SEC22C: variants seen among roughly 807,000 people sequenced by gnomAD.
SEC22C encodes vesicle-trafficking protein SEC22c.
A neutral mutation model predicts 34.7 loss-of-function variants in SEC22C; 29 were observed. The observed-to-expected ratio is 0.84, with a 90% CI of 0.62 to 1.14. The LOEUF is 1.14. SEC22C is among the 50% of genes most tolerant of loss of function. The pLI, the probability that SEC22C is intolerant of heterozygous loss-of-function variation, is 0.00. For synonymous variants in SEC22C, 117 were observed against 132.8 expected, an observed-to-expected ratio of 0.88 and a Z score of 0.82; for missense variants, 337 against 369.0, an observed-to-expected ratio of 0.91 and a Z score of 0.71.
intron 1 of SEC22C, among the ~76,000 whole-genome samples, chr3:42,571,625 G>C (rs1703635330): frequency 1.3e-5 from 2 of 152,236 alleles, no homozygotes; most frequent in South Asian, 2.1e-4. Flanking sequence ...AATACAAAAA[G>C]GAAGGGGCTT....
At chr3:42,597,882 C>T (rs1408977985) in intron 1 of SEC22C, among the ~76,000 whole-genome samples, 1 of 152,166 alleles carries the variant, frequency 6.6e-6, no homozygotes, top group Non-Finnish European at 1.5e-5. Flanking sequence ...AAACAGTGTG[C>T]CACTTCACAT....
intron 2 of SEC22C, among the ~76,000 whole-genome samples, chr3:42,566,150 G>A (rs999343714): frequency 6.6e-6 from 1 of 152,166 alleles, no homozygotes; most frequent in African/African-American, 2.4e-5. Context: ...TCCAGAGAAA[G>A]GGGCTGCACA....
At chr3:42,600,123 G>A (rs919016477) in intron 1 of SEC22C, among the ~76,000 whole-genome samples, 2 of 152,130 alleles carry the variant, frequency 1.3e-5, no homozygotes, top group Non-Finnish European at 2.9e-5. Context: ...TTAAAAACGG[G>A]CAGAAGACTG....
chr3:42,553,496 C>G, intron 6 of SEC22C, 48 bp from the exon 7 acceptor site: 1 of 1,589,232 alleles, frequency 6.3e-7, no homozygotes, highest in Non-Finnish European at 8.6e-7. Flanking sequence ...AAAATGGCCA[C>G]TAGATCATAT....
Position 42,550,421 on chromosome 3 carries a change from C to T in SEC22C, c.*2827G>A, listed in dbSNP as rs796163619. The T allele has an allele frequency of 2.0e-6, 2 of 985,424 alleles. No homozygotes were observed. The highest frequency in any genetic ancestry group is 1.1e-4 in the East Asian group (1 of 8,816). The allele number at this position is 985,424 out of a possible 1,614,324, so 61.0% of individuals were successfully genotyped here. A position where few individuals can be genotyped will look rare whatever the true frequency, so the allele number is the denominator to read the frequency against. On this transcript the variant is annotated 3_prime_UTR_variant, in exon 7 of 7. Transcript: ENST00000264454. Reference sequence around the variant, plus strand: ...GGATCACACAAGAGGCTATAAACCTCCAACCCTGAACCAAGTCAAACCTAA... The same window carrying T: ...GGATCACACAAGAGGCTATAAACCTTCAACCCTGAACCAAGTCAAACCTAA...
intron 1 of SEC22C, among the ~76,000 whole-genome samples, chr3:42,578,033 T>A (rs1250956024): frequency 1.3e-5 from 2 of 152,094 alleles, no homozygotes; most frequent in Non-Finnish European, 2.9e-5. Flanking sequence ...ATGCAATTAT[T>A]GTACAATCTA....
Position 42,548,490 on chromosome 3 carries a change from T to C in SEC22C, c.*4758A>G. 3.7e-6 allele frequency: 4 copies of C among 1,081,326 alleles called. No homozygotes were observed. The highest frequency in any genetic ancestry group is 5.5e-6 in the Non-Finnish European group (4 of 725,008). 67.0% of individuals were successfully genotyped at this position (1,081,326 alleles called of 1,614,324 possible). Reference sequence around the variant, plus strand: ...GTTTCCGAATCCAGCCATTCCCAGATTTCACTGACATGCCCTTTTCCACAG... The same window carrying C: ...GTTTCCGAATCCAGCCATTCCCAGACTTCACTGACATGCCCTTTTCCACAG... On this transcript the variant is annotated 3_prime_UTR_variant, in exon 7 of 7. Transcript: ENST00000264454.
intron 1 of SEC22C, chr3:42,600,365 G>C (rs1393500331): frequency 6.6e-6 from 1 of 152,234 alleles, no homozygotes; most frequent in East Asian, 1.9e-4. Context: ...CTCGGAAACA[G>C]AGAAGTCTCG....
intron 4 of SEC22C, among the ~76,000 whole-genome samples, chr3:42,560,172 T>G (rs961406310): frequency 2.7e-5 from 4 of 145,482 alleles, no homozygotes; most frequent in Non-Finnish European, 6.0e-5. Context: ...TATATATATT[T>G]TATATATAAT....
chr3:42,578,008 C>G (rs752224389), intron 1 of SEC22C, among the ~76,000 whole-genome samples: 3 of 152,036 alleles, frequency 2.0e-5, no homozygotes, highest in Non-Finnish European at 2.9e-5. Flanking sequence ...TTGGCAGTTT[C>G]TTTTAAAACT....
upstream of SEC22C, among the ~76,000 whole-genome samples, chr3:42,582,784 C>T (rs1005768000): frequency 1.3e-5 from 2 of 152,102 alleles, no homozygotes; most frequent in African/African-American, 4.8e-5. Flanking sequence ...AAGTGTGTTT[C>T]AGATGGAGAG....
At chr3:42,598,804 T>C (rs188499306) in intron 1 of SEC22C, among the ~76,000 whole-genome samples, 166 of 152,136 alleles carry the variant, frequency 1.1e-3, no homozygotes, top group Non-Finnish European at 2.1e-3. Flanking sequence ...AAATGTTCTG[T>C]GGACGGATGG....
intron 1 of SEC22C, among the ~76,000 whole-genome samples, chr3:42,593,446 T>G (rs1158812677): frequency 6.6e-6 from 1 of 152,082 alleles, no homozygotes; most frequent in Non-Finnish European, 1.5e-5. Flanking sequence ...GTATATGATA[T>G]GGAAGGCTGT....
At chr3:42,554,142 A>G (rs1222904867) in intron 6 of SEC22C, among the ~76,000 whole-genome samples, 1 of 152,034 alleles carries the variant, frequency 6.6e-6, no homozygotes, top group Non-Finnish European at 1.5e-5. Context: ...CAATCTGACA[A>G]AGGTTCAATC....
chr3:42,548,775 A>T lies in SEC22C; in HGVS notation c.*4473T>A, dbSNP rs1309440555. 1 of 1,547,104 alleles carries T rather than the reference A, an allele frequency of 6.5e-7. No individual in the cohort carries two copies. Among genetic ancestry groups the T allele is most frequent in the Non-Finnish European group, 8.8e-7 (1 of 1,142,680 alleles). On this transcript the variant is annotated 3_prime_UTR_variant, in exon 7 of 7. Coordinates refer to ENST00000264454, the MANE Select transcript of SEC22C (RefSeq NM_032970.4). ...TTGGAGTGAAAAAAATGAGGTTTAC[A>T]CTGTAGTATAACAAAATGCCTTTTT...
At chr3:42,591,985 A>G (rs1186796024) in intron 1 of SEC22C, among the ~76,000 whole-genome samples, 2 of 152,176 alleles carry the variant, frequency 1.3e-5, no homozygotes, top group Non-Finnish European at 2.9e-5. Context: ...TGAAGGGGTC[A>G]GGCCATTTGA....
rs763718915 is a variant in SEC22C at position 42,563,820 on chromosome 3, T to C, written c.183-134A>G. ...GTCCTGTAGCTGTTTGCTGCAGGTA[T>C]ATTGTCTCTTCAGTTCGACCTATTC... is the stretch of plus-strand genomic sequence containing the variant. On this transcript the variant is annotated intron_variant, in intron 2 of 6. Coordinates refer to ENST00000264454, the MANE Select transcript of SEC22C (RefSeq NM_032970.4). The C allele has an allele frequency of 5.2e-6, 8 of 1,537,356 alleles. No individual in the cohort carries two copies. The South Asian group carries it at 9.5e-5, about 18-fold the overall frequency.
At position 42,552,182 on chromosome 3, in the gene SEC22C, A is replaced by G. The variant is rs1447367946; in HGVS notation, c.*1066T>C. ...TAATTATATCTCTATCAAGCTTTAAAAAGTTAACAGATACTTAACTCTTGT... is the reference window on the plus strand; with the variant it reads ...TAATTATATCTCTATCAAGCTTTAAGAAGTTAACAGATACTTAACTCTTGT... On this transcript the variant is annotated 3_prime_UTR_variant, in exon 7 of 7. Coordinates refer to ENST00000264454, the MANE Select transcript of SEC22C (RefSeq NM_032970.4). 3.0e-6 allele frequency: 3 copies of G among 985,366 alleles called. No homozygotes were observed. In the East Asian group the frequency reaches 3.4e-4, roughly 112 times the overall value. The allele number at this position is 985,366 out of a possible 1,614,324, so 61.0% of individuals were successfully genotyped here.
intron 1 of SEC22C, among the ~76,000 whole-genome samples, chr3:42,589,688 C>T (rs1704748442): frequency 6.6e-6 from 1 of 152,298 alleles, no homozygotes; most frequent in Non-Finnish European, 1.5e-5. Context: ...ATCTAGGTTG[C>T]GCGCTCCTAA....
Sources: allele counts gnomAD v4.1 joint callset (sites outside exome capture counted in the v4.1 genomes callset), GRCh38; gene constraint gnomAD v4.1.1; transcripts MANE v1.5; gene names NCBI Gene and HGNC (gene_info 2026-07-23, HGNC 2026-07-21).